GRIK1: variants seen among roughly 807,000 people sequenced by gnomAD.
GRIK1 encodes the protein glutamate receptor ionotropic, kainate 1.
GRIK1 carries 69 observed loss-of-function variants against 105.7 expected under a neutral mutation model. The ratio of observed to expected loss-of-function variants is 0.65; its 90% CI spans 0.54 to 0.80. GRIK1 has a LOEUF of 0.80. Among genes scored for constraint, GRIK1 ranks in the 30% least tolerant of loss-of-function variants. GRIK1 has a pLI of 0.00. For missense variants in GRIK1, 1,109 were observed against 1,167.3 expected (o/e 0.95, Z 0.73); for synonymous variants, 438 against 431.3 (o/e 1.02, Z -0.19).
At chr21:29,887,223 C>T (rs11908857) in intron 1 of GRIK1, among the ~76,000 whole-genome samples, 2,047 of 152,262 alleles carry the variant, frequency 0.013, 14 homozygotes, top group East Asian at 0.025. Context: ...GCCTACACTG[C>T]ACATTTTTGT....
intron 15 of GRIK1, 127 bp downstream of exon 15, chr21:29,561,497 T>C: frequency 1.6e-6 from 1 of 639,766 alleles, no homozygotes; most frequent in Middle Eastern, 4.1e-4. Flanking sequence ...GATGTTTACA[T>C]TATTAGTTCA....
At chr21:29,870,730 C>T (rs2068977869) in intron 1 of GRIK1, among the ~76,000 whole-genome samples, 1 of 152,002 alleles carries the variant, frequency 6.6e-6, no homozygotes, top group South Asian at 2.1e-4. Flanking sequence ...TTTCCTAAAT[C>T]CAGTCTAGTT....
At chr21:29,561,006 A>G (rs2090467469) in intron 15 of GRIK1, among the ~76,000 whole-genome samples, 1 of 152,232 alleles carries the variant, frequency 6.6e-6, no homozygotes, top group Non-Finnish European at 1.5e-5. Context: ...ATAGACGTAC[A>G]AGAATGCATT....
intron 1 of GRIK1, among the ~76,000 whole-genome samples, chr21:29,875,344 G>A (rs2069155506): frequency 6.6e-6 from 1 of 152,078 alleles, no homozygotes; most frequent in Non-Finnish European, 1.5e-5. Context: ...CTAAATGTCA[G>A]GAGTCTCATC....
At chr21:29,790,016 T>G (rs1260132103) in intron 1 of GRIK1, among the ~76,000 whole-genome samples, 1 of 152,216 alleles carries the variant, frequency 6.6e-6, no homozygotes, top group Non-Finnish European at 1.5e-5. Flanking sequence ...GAGTGACATG[T>G]TCACGTAAGT....
chr21:29,597,934 C>T (rs3026023), intron 8 of GRIK1, among the ~76,000 whole-genome samples: 1,873 of 152,170 alleles, frequency 0.012, 41 homozygotes, highest in African/African-American at 0.043. Flanking sequence ...CCCAACTAAT[C>T]TAATTAATCA....
At chr21:29,634,592 T>C (rs778080383) in intron 7 of GRIK1, among the ~76,000 whole-genome samples, 5 of 150,102 alleles carry the variant, frequency 3.3e-5, no homozygotes, top group Non-Finnish European at 5.9e-5. Context: ...CAAAGATAAA[T>C]TGACTTTCTG....
chr21:29,849,412 C>T (rs970462068), intron 1 of GRIK1, among the ~76,000 whole-genome samples: 2 of 152,146 alleles, frequency 1.3e-5, no homozygotes, highest in Admixed American at 6.5e-5. Context: ...TAAAATCAGT[C>T]GAGCATCCAT....
At chr21:29,638,176 G>A (rs903546543) in intron 7 of GRIK1, among the ~76,000 whole-genome samples, 2 of 151,906 alleles carry the variant, frequency 1.3e-5, no homozygotes, top group African/African-American at 2.4e-5. Flanking sequence ...ATAAAGGAAA[G>A]AGGTTTAATT....
At chr21:29,775,275 CAAAAAA>C (rs66647707) in intron 1 of GRIK1, among the ~76,000 whole-genome samples, 3 of 74,722 alleles carry the variant, frequency 4.0e-5, no homozygotes, top group Non-Finnish European at 8.2e-5. Flanking sequence ...GCCTCTGTCT[CAAAAAA>C]AAAAAAAAAA....
At chr21:29,624,805 C>T (rs781047794) in intron 7 of GRIK1, among the ~76,000 whole-genome samples, 5 of 152,334 alleles carry the variant, frequency 3.3e-5, no homozygotes, top group South Asian at 4.1e-4. Flanking sequence ...CTTTGGCTTA[C>T]GGAGGACCAA....
At chr21:29,790,762 C>G (rs1438590146) in intron 1 of GRIK1, among the ~76,000 whole-genome samples, 3 of 152,188 alleles carry the variant, frequency 2.0e-5, no homozygotes, top group African/African-American at 4.8e-5. Flanking sequence ...CTAGTAGATT[C>G]ACCTTATTCA....
intron 1 of GRIK1, among the ~76,000 whole-genome samples, chr21:29,879,982 G>C (rs2069343316): frequency 6.6e-6 from 1 of 152,106 alleles, no homozygotes; most frequent in African/African-American, 2.4e-5. Context: ...ATATGCAATT[G>C]TTACAGTAAT....
chr21:29,609,790 C>A (rs1329007990), intron 7 of GRIK1, among the ~76,000 whole-genome samples: 1 of 152,264 alleles, frequency 6.6e-6, no homozygotes, highest in South Asian at 2.1e-4. Context: ...CTCCAGTTTG[C>A]AAATGGCAGG....
intron 1 of GRIK1, among the ~76,000 whole-genome samples, chr21:29,698,524 A>C (rs2063753194): frequency 1.3e-5 from 2 of 152,214 alleles, no homozygotes; most frequent in Admixed American, 6.5e-5. Flanking sequence ...GAGAAACCTC[A>C]AAATCGGCAG....
chr21:29,663,595 T>C (rs2063007463), intron 4 of GRIK1, among the ~76,000 whole-genome samples: 1 of 152,230 alleles, frequency 6.6e-6, no homozygotes, highest in Non-Finnish European at 1.5e-5. Context: ...AACTTTAATC[T>C]CCTTAATGGA....
At position 29,555,291 on chromosome 21, in the gene GRIK1, G is replaced by A. The variant is rs1187514184; in HGVS notation, c.2368C>T (p.Arg790Trp). 13 of 1,612,806 alleles carry A rather than the reference G, an allele frequency of 8.1e-6. No homozygotes were observed. Among genetic ancestry groups the A allele is most frequent in the East Asian group, 2.2e-5 (1 of 44,850 alleles). ...AGAATAGCAATAGTAATTTTATCCC[G>A]GTAAGGAGAACCTGGAAGTAAAACC... ...GVGTPIGSPY[R>W]DKITIAILQL... Residue 790 changes from arginine (R) to tryptophan (W), a missense_variant, in exon 16 of 18, where the codon CGG becomes TGG. Arg to Trp is a moderately radical substitution (Grantham distance 101, BLOSUM62 -3). This residue lies in a region of GRIK1 where 264 missense variants were observed against 306.9 expected (regional missense o/e 0.86). Transcript: ENST00000327783.
At chr21:29,935,350 T>C (rs1200267583) in intron 1 of GRIK1, among the ~76,000 whole-genome samples, 1 of 152,222 alleles carries the variant, frequency 6.6e-6, no homozygotes, top group Non-Finnish European at 1.5e-5. Flanking sequence ...GTCCATTTTA[T>C]TCACTGTTGT....
At chr21:29,667,203 A>C (rs1341476383) in intron 4 of GRIK1, among the ~76,000 whole-genome samples, 2 of 152,208 alleles carry the variant, frequency 1.3e-5, no homozygotes, top group Non-Finnish European at 2.9e-5. Flanking sequence ...CTATAGTGAG[A>C]GATCACAGCT....
Sources: allele counts gnomAD v4.1 joint callset (sites outside exome capture counted in the v4.1 genomes callset), GRCh38; gene constraint gnomAD v4.1.1; regional missense constraint gnomAD v4.1.1; transcripts MANE v1.5; gene names NCBI Gene and HGNC (gene_info 2026-07-23, HGNC 2026-07-21).